The following RPE variants were observed in gnomAD, a reference collection of about 807,000 sequenced individuals.
RPE encodes the protein ribulose-5-phosphate-3-epimerase.
RPE carries 16 observed loss-of-function variants against 24.6 expected under a neutral mutation model. The ratio of observed to expected loss-of-function variants is 0.65; its 90% CI spans 0.44 to 0.99. The LOEUF is 0.99. Among genes scored for constraint, RPE ranks in the 50% least tolerant of loss-of-function variants. RPE has a pLI of 0.00. For missense variants in RPE, 240 were observed against 294.5 expected (o/e 0.81, Z 1.35); for synonymous variants, 93 against 98.4 (o/e 0.94, Z 0.33).
chr2:210,003,576 G>A (rs1031314377), intron 1 of RPE: 26 of 555,662 alleles, frequency 4.7e-5, no homozygotes, highest in Admixed American at 4.1e-4. Flanking sequence ...AGAGAAAGCA[G>A]TAAGACTCCC....
chr2:210,008,398 C>T (rs563851418), intron 1 of RPE, among the ~76,000 whole-genome samples: 2 of 150,010 alleles, frequency 1.3e-5, no homozygotes, highest in East Asian at 2.0e-4. Flanking sequence ...TGGGTACAAG[C>T]GATCTTCCTG....
chr2:210,018,277 C>T, intron 5 of RPE: 2 of 1,493,380 alleles, frequency 1.3e-6, no homozygotes, highest in Non-Finnish European at 1.8e-6. Context: ...TTACATTATT[C>T]TTTAGAACCT....
chr2:210,003,501 C>T, intron 1 of RPE: 4 of 1,251,808 alleles, frequency 3.2e-6, no homozygotes, highest in Non-Finnish European at 4.2e-6. Context: ...AGTTACAGCA[C>T]ATAATATTGT....
At position 210,019,502 on chromosome 2, in the gene RPE, A is replaced by G. The variant is rs575065281; in HGVS notation, c.565-167A>G. On this transcript the variant is annotated intron_variant, in intron 5 of 5. Transcript: ENST00000359429. ...GACATCCTCATCTGTGAACATTTTA[A>G]ATTTTTCTTATTGAACTAGATTGCT... Among the ~76,000 whole-genome samples the G allele has an allele frequency of 3.9e-5, 6 of 152,260 alleles. No homozygotes were observed. The South Asian group carries it at 1.2e-3, about 32-fold the overall frequency.
rs1182530277 is a variant in RPE, at chr2:210,005,247, T to G, written c.122+2464T>G. On this transcript the variant is annotated intron_variant, in intron 1 of 5. Coordinates refer to ENST00000359429, the MANE Select transcript of RPE (RefSeq NM_199229.3). ...CTTCCCTCCCAGGACTGCCTTCGTG[T>G]TTTTTTTTTCCTGGCCCCTTTTAAA... Among the ~76,000 whole-genome samples, 12 of 149,052 alleles carry G rather than the reference T, an allele frequency of 8.1e-5. No individual in the cohort carries two copies. The South Asian group carries it at 2.1e-3, about 26-fold the overall frequency.
rs972901686 is a variant in RPE, at chr2:210,017,132, A to G, written c.478-341A>G. Among the ~76,000 whole-genome samples the G allele has an allele frequency of 2.0e-5, 3 of 152,144 alleles. No individual in the cohort carries two copies. In the South Asian group the frequency reaches 6.2e-4, roughly 32 times the overall value. ...GTGTTGGGATTACAGGTGGCAGCCA[A>G]CCACGCCTGGAAGTCTTGAAATTTC... On this transcript the variant is annotated intron_variant, in intron 4 of 5. Coordinates refer to ENST00000359429, the MANE Select transcript of RPE (RefSeq NM_199229.3).
chr2:210,005,533 TA>T (rs1160167617), intron 1 of RPE, among the ~76,000 whole-genome samples: 2 of 152,268 alleles, frequency 1.3e-5, no homozygotes, highest in Middle Eastern at 3.4e-3. Context: ...GTGTTCATCC[TA>T]ACCATGGGAA....
intron 2 of RPE, among the ~76,000 whole-genome samples, chr2:210,012,684 C>T (rs2093716769): frequency 6.6e-6 from 1 of 152,168 alleles, no homozygotes; most frequent in South Asian, 2.1e-4. Context: ...ATTTTAATGA[C>T]ATTTAAAAAA....
At chr2:210,010,877 C>T (rs1383880816) in intron 2 of RPE, among the ~76,000 whole-genome samples, 1 of 151,808 alleles carries the variant, frequency 6.6e-6, no homozygotes, top group Non-Finnish European at 1.5e-5. Context: ...GAGGTCATTC[C>T]ACTGCACTCC....
At chr2:210,017,448 C>T in intron 4 of RPE, 25 bp from the exon 5 acceptor site, 1 of 627,032 alleles carries the variant, frequency 1.6e-6, no homozygotes, top group Non-Finnish European at 2.6e-6. Flanking sequence ...TTAGGAGTTA[C>T]TTATTTCCTC....
At chr2:210,006,996 G>A (rs1363674669) in intron 1 of RPE, among the ~76,000 whole-genome samples, 1 of 152,012 alleles carries the variant, frequency 6.6e-6, no homozygotes, top group Non-Finnish European at 1.5e-5. Flanking sequence ...TGTTTGTTTC[G>A]TTTGTTGTCA....
chr2:210,018,689 T>TA, intron 5 of RPE: 1 of 985,396 alleles, frequency 1.0e-6, no homozygotes, highest in Non-Finnish European at 1.2e-6. Context: ...TTTGCCAGTA[T>TA]ACTATTCCTG....
In RPE at chr2:210,019,922, A is replaced by G. The variant is rs2125096337; in HGVS notation, c.*131A>G. 8.1e-7 allele frequency: 1 copy of G among 1,231,824 alleles called. No homozygotes were observed. Among genetic ancestry groups the G allele is most frequent in the Non-Finnish European group, 1.1e-6 (1 of 908,214 alleles). 76.3% of individuals were successfully genotyped at this position (1,231,824 alleles called of 1,614,324 possible). ...GAGCAGTTATTCATTCCAGTGATTA[A>G]AACTGATTGTGCAGAATATTCTAAG... is the stretch of plus-strand genomic sequence containing the variant. On this transcript the variant is annotated 3_prime_UTR_variant, in exon 6 of 6. Transcript: ENST00000359429.
intron 4 of RPE, 39 bp from the exon 5 acceptor site, chr2:210,017,434 C>CCCAA: frequency 7.7e-7 from 1 of 1,296,666 alleles, no homozygotes; most frequent in Non-Finnish European, 1.1e-6. Context: ...CCAACATACC[C>CCCAA]ACTTTAGGAG....
In RPE at chr2:210,019,748, A is replaced by C. The variant is rs1200471864; in HGVS notation, c.644A>C (p.Asn215Thr). 2.5e-6 allele frequency: 4 copies of C among 1,613,392 alleles called. No homozygotes were observed. In the Admixed American group the frequency reaches 6.7e-5, roughly 27 times the overall value. ...AGATCTGTGATCAATCTATTAAGAA[A>C]TGTTTGCTCAGAAGCTGCTCAGAAA... is the stretch of plus-strand genomic sequence containing the variant. ...DPRSVINLLR[N>T]VCSEAAQKRS... Residue 215 changes from asparagine to threonine, a missense_variant, in exon 6 of 6, where the codon AAT becomes ACT. Coordinates refer to ENST00000359429, the MANE Select transcript of RPE (RefSeq NM_199229.3).
intron 2 of RPE, 132 bp from the exon 3 acceptor site, chr2:210,015,841 C>A: frequency 1.2e-6 from 1 of 823,398 alleles, no homozygotes; most frequent in Non-Finnish European, 1.9e-6. Context: ...TGAATTAGAA[C>A]TATTTAAATA....
At chr2:210,015,303 A>G (rs1040927337) in intron 2 of RPE, among the ~76,000 whole-genome samples, 7 of 152,166 alleles carry the variant, frequency 4.6e-5, no homozygotes, top group Non-Finnish European at 8.8e-5. Context: ...TAGCTTCCTC[A>G]GTCGATAGTA....
chr2:210,020,663 C>T lies in RPE; in HGVS notation c.*872C>T, dbSNP rs149331073. 5.2e-4 allele frequency: 86 copies of T among 166,598 alleles called. No individual in the cohort carries two copies. The highest frequency in any genetic ancestry group is 2.0e-3 in the African/African-American group (85 of 41,482). The allele number at this position is 166,598 out of a possible 1,614,324, so 10.3% of individuals were successfully genotyped here. ...ATATGTAAAGTTTCCAGTACTAGTC[C>T]CAGAATTTAGAATATGCTCAACACA... On this transcript the variant is annotated 3_prime_UTR_variant, in exon 6 of 6. Transcript: ENST00000359429.
chr2:210,019,379 TA>T (rs2093825403), intron 5 of RPE, among the ~76,000 whole-genome samples: 2 of 152,222 alleles, frequency 1.3e-5, no homozygotes, highest in African/African-American at 4.8e-5. Flanking sequence ...TAAAGGCTTT[TA>T]AACCTTATCT....
Sources: gnomAD v4.1 joint callset for allele counts (sites outside exome capture counted in the v4.1 genomes callset) on GRCh38, gnomAD v4.1.1 for gene constraint, MANE v1.5 for transcripts, NCBI Gene and HGNC (gene_info 2026-07-23, HGNC 2026-07-21) for gene names.